The following ARHGEF12 variants were observed in gnomAD, a reference collection of about 807,000 sequenced individuals.
ARHGEF12 encodes the protein Rho guanine nucleotide exchange factor 12, also known as KMT2A/ARHGEF12 fusion protein.
Under a neutral mutation model 211.2 loss-of-function variants are expected in ARHGEF12, and 66 were observed. The ratio of observed to expected loss-of-function variants is 0.31; its 90% CI spans 0.26 to 0.38. ARHGEF12 has a LOEUF of 0.38. Ranked by LOEUF, ARHGEF12 falls within the 10% of genes least tolerant of loss-of-function variation. The probability of loss-of-function intolerance (pLI) is 1.00; values close to 1 mark genes in which losing one functional copy is unlikely to be tolerated. For missense variants in ARHGEF12, 1,429 were observed against 1,869.5 expected (o/e 0.76, Z 4.34); for synonymous variants, 592 against 638.4 (o/e 0.93, Z 1.09).
chr11:120,457,815 T>C lies in ARHGEF12; in HGVS notation c.2225+59T>C, dbSNP rs1017641181. ...GCATTTTAAGAAACGTAACCTTTTT[T>C]CCTCTAAAGTTTCATTTTAAAGGAA... On this transcript the variant is annotated intron_variant, in intron 24 of 40. Coordinates refer to ENST00000397843, the MANE Select transcript of ARHGEF12 (RefSeq NM_015313.3). The C allele has an allele frequency of 1.9e-6, 3 of 1,542,838 alleles. No individual in the cohort carries two copies. In the African/African-American group the frequency reaches 4.1e-5, roughly 21 times the overall value.
At chr11:120,367,972 C>A (rs1333167906) in intron 1 of ARHGEF12, among the ~76,000 whole-genome samples, 1 of 151,938 alleles carries the variant, frequency 6.6e-6, no homozygotes, top group Non-Finnish European at 1.5e-5. Context: ...CAGAGCAAGA[C>A]CTCGTCTCAA....
chr11:120,443,689 T>G (rs1311441561), intron 15 of ARHGEF12, among the ~76,000 whole-genome samples: 2 of 152,152 alleles, frequency 1.3e-5, no homozygotes, highest in Non-Finnish European at 2.9e-5. Context: ...GAACTTTTAT[T>G]TAGTTAGTTA....
intron 29 of ARHGEF12, 53 bp from the exon 30 acceptor site, chr11:120,469,235 T>C: frequency 2.2e-6 from 3 of 1,333,480 alleles, no homozygotes; most frequent in Non-Finnish European, 3.2e-6. Flanking sequence ...TACATATATT[T>C]TATGGTTTTT....
At chr11:120,437,432 A>T in intron 12 of ARHGEF12, 50 bp downstream of exon 12, 1 of 1,452,570 alleles carries the variant, frequency 6.9e-7, no homozygotes, top group African/African-American at 1.4e-5. Context: ...CTTTCCTTAT[A>T]CTTAAAGTAT....
chr11:120,443,899 A>T (rs548303915), intron 15 of ARHGEF12, among the ~76,000 whole-genome samples: 32 of 152,244 alleles, frequency 2.1e-4, no homozygotes, highest in Non-Finnish European at 4.1e-4. Context: ...TTTAAAGTAT[A>T]CAGCAAGATG....
chr11:120,431,857 C>T lies in ARHGEF12; in HGVS notation c.870C>T (p.Gly290=). 6.2e-7 allele frequency: 1 copy of T among 1,613,892 alleles called. No homozygotes were observed. Residue 290 remains glycine, a synonymous_variant, in exon 11 of 41, where the codon GGC becomes GGT. Coordinates refer to ENST00000397843, the MANE Select transcript of ARHGEF12 (RefSeq NM_015313.3). ...AAACAGATCCTGGAGATGTACTGGG[C>T]AGGACTGACTGTAGCAGTGGAGATG... ...EAETDPGDVL[G]RTDCSSGDAS...
intron 1 of ARHGEF12, among the ~76,000 whole-genome samples, chr11:120,400,924 C>T (rs571749398): frequency 2.0e-5 from 3 of 152,288 alleles, no homozygotes; most frequent in African/African-American, 7.2e-5. Context: ...CAGAACTGAG[C>T]TCTTTGGTCC....
Position 120,479,977 on chromosome 11 carries a change from T to G in ARHGEF12, c.3784T>G (p.Leu1262Val), listed in dbSNP as rs1172377070. ...TCGTTTAGTGGGTTTGTTGAAGCAG[T>G]TGCTGGTGCAACAGCTAGGTTTGAC... ...ALRNLGLLKQ[L>V]LVQQLGLTEK... The change falls in exon 38 of 41, where the codon TTG becomes GTG. Residue 1262 changes from leucine (L) to valine (V), a missense_variant. Coordinates refer to ENST00000397843, the MANE Select transcript of ARHGEF12 (RefSeq NM_015313.3). 6.2e-7 allele frequency: 1 copy of G among 1,612,534 alleles called. No homozygotes were observed.
At chr11:120,484,148 T>C (rs1200861571) in intron 39 of ARHGEF12, among the ~76,000 whole-genome samples, 1 of 152,234 alleles carries the variant, frequency 6.6e-6, no homozygotes, top group Non-Finnish European at 1.5e-5. Context: ...GACGGGACCA[T>C]GTCCAGGGTG....
chr11:120,337,508 G>A (rs1397507856), intron 1 of ARHGEF12: 2 of 985,274 alleles, frequency 2.0e-6, no homozygotes, highest in Non-Finnish European at 2.4e-6. Context: ...AGAAGGGGGA[G>A]GCAAAACCAT....
At chr11:120,446,187 G>C (rs1228722685) in intron 16 of ARHGEF12, among the ~76,000 whole-genome samples, 5 of 138,250 alleles carry the variant, frequency 3.6e-5, no homozygotes, top group African/African-American at 1.1e-4. Context: ...AACAGAGCAA[G>C]ACTCCATCTC....
intron 29 of ARHGEF12, among the ~76,000 whole-genome samples, chr11:120,468,436 C>G (rs1946769080): frequency 6.6e-6 from 1 of 151,780 alleles, no homozygotes; most frequent in Non-Finnish European, 1.5e-5. Flanking sequence ...TACGTTTTGT[C>G]TTGTTTTGTT....
Position 120,475,520 on chromosome 11 carries a change from A to G in ARHGEF12, c.3277+13A>G, listed in dbSNP as rs759195964. 3 of 1,610,464 alleles carry G rather than the reference A, an allele frequency of 1.9e-6. No homozygotes were observed. Among genetic ancestry groups the G allele is most frequent in the South Asian group, 2.2e-5 (2 of 90,520 alleles). On this transcript the variant is annotated intron_variant, in intron 33 of 40. Transcript: ENST00000397843. ...CAAGTGGCAACAGGCAAGTATGTCCACTGAAGGATACTAATTTCCAGATTC... is the reference window on the plus strand; with the variant it reads ...CAAGTGGCAACAGGCAAGTATGTCCGCTGAAGGATACTAATTTCCAGATTC...
At chr11:120,357,143 C>T (rs1468153198) in intron 1 of ARHGEF12, among the ~76,000 whole-genome samples, 1 of 151,920 alleles carries the variant, frequency 6.6e-6, no homozygotes, top group Admixed American at 6.6e-5. Flanking sequence ...CAGGCATGTG[C>T]CACCGTGCCC....
At chr11:120,441,917 G>A in intron 14 of ARHGEF12, 100 bp downstream of exon 14, 1 of 1,110,254 alleles carries the variant, frequency 9.0e-7, no homozygotes, top group Non-Finnish European at 1.3e-6. Flanking sequence ...ACTTCTTTCA[G>A]TTTTCCGTAT....
chr11:120,357,786 C>T (rs561242276), intron 1 of ARHGEF12, among the ~76,000 whole-genome samples: 2 of 151,880 alleles, frequency 1.3e-5, no homozygotes, highest in African/African-American at 4.8e-5. Context: ...GCCAGGCTGT[C>T]CTTGAACTCC....
intron 1 of ARHGEF12, among the ~76,000 whole-genome samples, chr11:120,345,134 C>T (rs12361632): frequency 6.6e-6 from 1 of 151,974 alleles, no homozygotes; most frequent in African/African-American, 2.4e-5. Flanking sequence ...TTTCAGCAGC[C>T]TGAAGCCATG....
At chr11:120,341,596 C>T (rs1942538914) in intron 1 of ARHGEF12, among the ~76,000 whole-genome samples, 1 of 152,168 alleles carries the variant, frequency 6.6e-6, no homozygotes, top group East Asian at 1.9e-4. Flanking sequence ...ATACGGGTCA[C>T]AGAAACAGCA....
chr11:120,370,656 T>A (rs1943563697), intron 1 of ARHGEF12, among the ~76,000 whole-genome samples: 1 of 152,202 alleles, frequency 6.6e-6, no homozygotes, highest in Non-Finnish European at 1.5e-5. Flanking sequence ...AATAGTAATT[T>A]ATAATTGTAT....
Sources: gnomAD v4.1 joint callset for allele counts (sites outside exome capture counted in the v4.1 genomes callset) on GRCh38, gnomAD v4.1.1 for gene constraint, MANE v1.5 for transcripts, NCBI Gene and HGNC (gene_info 2026-07-23, HGNC 2026-07-21) for gene names.